The following MED13L variants were observed in gnomAD, a reference collection of about 807,000 sequenced individuals.
MED13L encodes the protein mediator of RNA polymerase II transcription subunit 13-like.
MED13L carries 7 observed loss-of-function variants against 220.9 expected under a neutral mutation model. That is an observed-to-expected ratio of 0.03 (90% CI 0.02 to 0.06). The LOEUF (loss-of-function observed/expected upper bound fraction) is 0.06. Among genes scored for constraint, MED13L ranks in the 10% least tolerant of loss-of-function variants. MED13L has a pLI of 1.00. For synonymous variants in MED13L, 1,011 were observed against 1,015.2 expected, an observed-to-expected ratio of 1.00 and a Z score of 0.08; for missense variants, 1,965 against 2,760.5, an observed-to-expected ratio of 0.71 and a Z score of 6.46.
intron 27 of MED13L, among the ~76,000 whole-genome samples, chr12:115,969,960 T>C (rs1205188695): frequency 6.6e-6 from 1 of 152,180 alleles, no homozygotes; most frequent in Non-Finnish European, 1.5e-5. Context: ...TTTCTATGAT[T>C]CTTTTATTTT....
chr12:116,226,793 CCGG>C (rs1432271927), intron 2 of MED13L, among the ~76,000 whole-genome samples: 2 of 151,566 alleles, frequency 1.3e-5, no homozygotes, highest in Non-Finnish European at 2.9e-5. Context: ...TGCTCGAACT[CCGG>C]ACGTGGAGGT....
At chr12:116,241,557 A>G (rs1194592445) in intron 1 of MED13L, among the ~76,000 whole-genome samples, 1 of 152,160 alleles carries the variant, frequency 6.6e-6, no homozygotes, top group Non-Finnish European at 1.5e-5. Context: ...TTTCAGGAGA[A>G]TGGTTTCCTA....
At chr12:116,007,707 T>G in intron 10 of MED13L, 71 bp from the exon 11 acceptor site, 1 of 1,354,984 alleles carries the variant, frequency 7.4e-7, no homozygotes, top group Admixed American at 2.1e-5. Context: ...TTAAACTTTT[T>G]GTAAAAACAA....
chr12:116,235,279 C>T (rs773343278), intron 2 of MED13L, among the ~76,000 whole-genome samples: 2 of 152,044 alleles, frequency 1.3e-5, no homozygotes, highest in Non-Finnish European at 2.9e-5. Context: ...AAAGAGGAGA[C>T]GCACTCAATG....
chr12:115,992,372 C>T (rs1281520437), intron 16 of MED13L, among the ~76,000 whole-genome samples: 1 of 151,848 alleles, frequency 6.6e-6, no homozygotes, highest in Admixed American at 6.6e-5. Context: ...ATGAAATTTC[C>T]ATCTAATTTG....
intron 4 of MED13L, among the ~76,000 whole-genome samples, chr12:116,081,251 A>G (rs897468057): frequency 5.9e-5 from 9 of 152,168 alleles, no homozygotes; most frequent in African/African-American, 1.7e-4. Flanking sequence ...TTTTAACATC[A>G]TACCTGTTCC....
intron 2 of MED13L, among the ~76,000 whole-genome samples, chr12:116,183,797 A>G (rs984629224): frequency 7.7e-6 from 1 of 129,144 alleles, no homozygotes; most frequent in Non-Finnish European, 1.6e-5. Flanking sequence ...CTTGTGTAGA[A>G]AAAATGGTGT....
intron 2 of MED13L, among the ~76,000 whole-genome samples, chr12:116,202,764 C>T (rs535888223): frequency 1.3e-5 from 2 of 152,310 alleles, no homozygotes; most frequent in East Asian, 3.9e-4. Flanking sequence ...GGGTTCTTCA[C>T]GGTCAGCGTC....
chr12:116,062,595 C>A (rs1166692530), intron 4 of MED13L, among the ~76,000 whole-genome samples: 1 of 149,160 alleles, frequency 6.7e-6, no homozygotes, highest in Non-Finnish European at 1.5e-5. Context: ...TCAAGTGATT[C>A]TCCTGTCTCA....
chr12:116,172,944 A>C (rs951744644), intron 2 of MED13L, among the ~76,000 whole-genome samples: 1 of 151,760 alleles, frequency 6.6e-6, no homozygotes. Context: ...AAAAAAAAAA[A>C]ACAAGTACTA....
intron 1 of MED13L, among the ~76,000 whole-genome samples, chr12:116,264,416 A>G (rs1011769386): frequency 6.6e-6 from 1 of 152,230 alleles, no homozygotes; most frequent in Non-Finnish European, 1.5e-5. Context: ...TAACAAAAAT[A>G]AAATGATTGC....
intron 25 of MED13L, among the ~76,000 whole-genome samples, chr12:115,974,007 T>C (rs1160277588): frequency 6.6e-6 from 1 of 152,102 alleles, no homozygotes; most frequent in African/African-American, 2.4e-5. Flanking sequence ...GATTTTTGTT[T>C]AGGGATTCTA....
chr12:116,015,022 A>G, intron 8 of MED13L, 87 bp downstream of exon 8: 1 of 1,347,816 alleles, frequency 7.4e-7, no homozygotes, highest in South Asian at 1.2e-5. Flanking sequence ...TTGGTCACAC[A>G]ATAGTGCAAT....
chr12:116,117,235 C>T (rs374221820), intron 2 of MED13L, among the ~76,000 whole-genome samples: 1 of 151,952 alleles, frequency 6.6e-6, no homozygotes, highest in Admixed American at 6.6e-5. Context: ...TCGCAAAAGG[C>T]AAATTTAAGG....
intron 2 of MED13L, among the ~76,000 whole-genome samples, chr12:116,164,936 A>T (rs764766439): frequency 7.9e-5 from 12 of 152,210 alleles, no homozygotes; most frequent in Non-Finnish European, 1.6e-4. Context: ...AACAAGCAAA[A>T]AGTGTAGCTG....
At chr12:116,007,389 C>G (rs2137378118) in intron 11 of MED13L, 22 bp downstream of exon 11, 54,069 of 1,151,404 alleles carry the variant, frequency 0.047, no homozygotes, top group Non-Finnish European at 0.065. Flanking sequence ...CCATGCTGGA[C>G]TCTCTCTCTG....
chr12:115,990,077 C>T (rs1877956397), intron 17 of MED13L, among the ~76,000 whole-genome samples: 1 of 152,196 alleles, frequency 6.6e-6, no homozygotes, highest in Non-Finnish European at 1.5e-5. Context: ...CTGCATGCTT[C>T]TAACCTCGCG....
chr12:116,021,046 T>C (rs1319570039), intron 5 of MED13L, among the ~76,000 whole-genome samples: 1 of 152,078 alleles, frequency 6.6e-6, no homozygotes. Context: ...TTTTTTGCAA[T>C]AATGCTTCCA....
At chr12:116,271,103 T>TAAATGACTC (rs577277732) in intron 1 of MED13L, among the ~76,000 whole-genome samples, 11 of 137,644 alleles carry the variant, frequency 8.0e-5, no homozygotes, top group Middle Eastern at 3.8e-3. Context: ...AGAAAGAAGT[T>TAAATGACTC]AAATGACTCA....
Sources: gnomAD v4.1 joint callset for allele counts (sites outside exome capture counted in the v4.1 genomes callset) on GRCh38, gnomAD v4.1.1 for gene constraint, MANE v1.5 for transcripts, NCBI Gene and HGNC (gene_info 2026-07-23, HGNC 2026-07-21) for gene names.